The following TCF4 variants were observed in gnomAD, a reference collection of about 807,000 sequenced individuals.
TCF4 encodes SL3-3 enhancer factor 2.
TCF4 carries 3 observed loss-of-function variants against 82.1 expected under a neutral mutation model. The ratio of observed to expected loss-of-function variants is 0.04; its 90% CI spans 0.02 to 0.09. TCF4 has a LOEUF of 0.09. TCF4 is among the 10% of genes least tolerant of loss of function. The pLI, the probability that TCF4 is intolerant of heterozygous loss-of-function variation, is 1.00. For missense variants in TCF4, 518 were observed against 852.7 expected, an observed-to-expected ratio of 0.61 and a Z score of 4.89; for synonymous variants, 276 against 309.6, an observed-to-expected ratio of 0.89 and a Z score of 1.14.
At chr18:55,315,937 CT>C (rs369798034) in intron 8 of TCF4, among the ~76,000 whole-genome samples, 337 of 151,686 alleles carry the variant, frequency 2.2e-3, no homozygotes, top group African/African-American at 5.3e-3. Context: ...ACAGATATCC[CT>C]TTTTTTTAAG....
intron 10 of TCF4, among the ~76,000 whole-genome samples, chr18:55,272,968 T>A (rs139977756): frequency 6.6e-6 from 1 of 152,160 alleles, no homozygotes; most frequent in Non-Finnish European, 1.5e-5. Flanking sequence ...GCAAAGACCA[T>A]GCCTAAATCA....
intron 3 of TCF4, among the ~76,000 whole-genome samples, chr18:55,561,494 A>G (rs2097354582): frequency 6.6e-6 from 1 of 152,230 alleles, no homozygotes; most frequent in Non-Finnish European, 1.5e-5. Flanking sequence ...GACTCTGTCT[A>G]ACACAGTGCT....
chr18:55,261,688 G>A (rs953144440), intron 11 of TCF4, among the ~76,000 whole-genome samples, 155 bp from the exon 12 acceptor site: 1 of 152,172 alleles, frequency 6.6e-6, no homozygotes, highest in Non-Finnish European at 1.5e-5. Flanking sequence ...TGAGGTAGAT[G>A]TCAAATATAT....
intron 8 of TCF4, among the ~76,000 whole-genome samples, chr18:55,329,738 C>A (rs1174921618): frequency 2.0e-5 from 3 of 152,166 alleles, no homozygotes; most frequent in Non-Finnish European, 2.9e-5. Context: ...GCTTTACTGA[C>A]AGCAATGCCA....
chr18:55,234,614 C>T lies in TCF4; in HGVS notation c.1420G>A (p.Val474Ile), dbSNP rs1274036446. Residue 474 changes from valine to isoleucine, a missense_variant, in exon 16 of 20, where the codon GTT becomes ATT. By Grantham distance (29) the Val-to-Ile change is conservative. Coordinates refer to ENST00000354452, the MANE Select transcript of TCF4 (RefSeq NM_001083962.2). Reference sequence around the variant, plus strand: ...GCAGACTGGACAGGAAGCTGTGGAACCGGAACCTGGTTTGGCAGAAGAGAA... The same window carrying T: ...GCAGACTGGACAGGAAGCTGTGGAATCGGAACCTGGTTTGGCAGAAGAGAA... The part of the protein sequence containing the change: ...SHSLLPNQVP[V>I]PQLPVQSATS... 1 of 1,614,008 alleles carries T rather than the reference C, an allele frequency of 6.2e-7. No homozygotes were observed. The highest frequency in any genetic ancestry group is 8.5e-7 in the Non-Finnish European group (1 of 1,180,020).
chr18:55,395,441 T>C (rs1296067676), intron 6 of TCF4, among the ~76,000 whole-genome samples: 1 of 152,252 alleles, frequency 6.6e-6, no homozygotes, highest in Non-Finnish European at 1.5e-5. Context: ...TCAATTTGGA[T>C]ACTAGGAGTC....
At chr18:55,621,925 CTA>C (rs1363623193) in intron 2 of TCF4, among the ~76,000 whole-genome samples, 1 of 41,992 alleles carries the variant, frequency 2.4e-5, no homozygotes, top group Non-Finnish European at 3.9e-5. Context: ...TATATATACA[CTA>C]TATACTATAT....
rs976186516 is a variant in TCF4 at position 55,587,984 on chromosome 18, C to T, written c.-21+54G>A. 49 of 971,530 alleles carry T rather than the reference C, an allele frequency of 5.0e-5. No homozygotes were observed. The African/African-American group carries it at 8.2e-4, about 16-fold the overall frequency. 60.2% of individuals were successfully genotyped at this position (971,530 alleles called of 1,614,324 possible). ...GCGTGCGGGGCCGCCGAGCCCGAAC[C>T]CCGCGCCGCCGGGCGCCTCCGCCCC... On this transcript the variant is annotated intron_variant, in intron 1 of 19. Coordinates refer to ENST00000354452, the MANE Select transcript of TCF4 (RefSeq NM_001083962.2).
At chr18:55,436,518 A>G (rs4331409) in intron 5 of TCF4, among the ~76,000 whole-genome samples, 148,621 of 152,318 alleles carry the variant, frequency 0.98, 72,632 homozygotes, top group South Asian at 1. Flanking sequence ...GACATTAACC[A>G]ATTTTCTCTC....
At chr18:55,310,590 G>A (rs1037185365) in intron 8 of TCF4, among the ~76,000 whole-genome samples, 1 of 152,186 alleles carries the variant, frequency 6.6e-6, no homozygotes, top group Non-Finnish European at 1.5e-5. Flanking sequence ...CCACATTGAG[G>A]AGAAGCGCAG....
intron 5 of TCF4, among the ~76,000 whole-genome samples, chr18:55,428,476 G>A (rs1267900010): frequency 6.6e-6 from 1 of 152,074 alleles, no homozygotes; most frequent in African/African-American, 2.4e-5. Context: ...TCTACTTCAT[G>A]TCTTCACTTG....
rs548300943 is a variant in TCF4 at position 55,531,021 on chromosome 18, G to A, written c.145+54259C>T. On this transcript the variant is annotated intron_variant, in intron 3 of 19. Transcript: ENST00000354452. ...GGCGGGAGTGCAGTGGTGTAATCTC[G>A]GCTCAGTGCAACTTCCGCCTCCCGG... 4.6e-5 allele frequency among the ~76,000 whole-genome samples: 7 copies of A among 151,666 alleles called. No homozygotes were observed. In the East Asian group the frequency reaches 5.8e-4, roughly 13 times the overall value.
intron 6 of TCF4, among the ~76,000 whole-genome samples, chr18:55,371,812 T>A (rs1324029271): frequency 6.6e-6 from 1 of 152,158 alleles, no homozygotes; most frequent in Non-Finnish European, 1.5e-5. Context: ...AAGTCTCTAT[T>A]GTTACCCACT....
intron 3 of TCF4, among the ~76,000 whole-genome samples, chr18:55,560,162 A>T (rs1014746600): frequency 6.6e-6 from 1 of 152,232 alleles, no homozygotes; most frequent in Non-Finnish European, 1.5e-5. Context: ...AGGGCTGTAC[A>T]GACGATTTCC....
chr18:55,548,040 C>A (rs1304615044), intron 3 of TCF4, among the ~76,000 whole-genome samples: 1 of 152,176 alleles, frequency 6.6e-6, no homozygotes, highest in East Asian at 1.9e-4. Context: ...ACCCTTACTC[C>A]GCTCAGTAAT....
chr18:55,295,629 C>T (rs926453282), intron 8 of TCF4, among the ~76,000 whole-genome samples: 4 of 152,238 alleles, frequency 2.6e-5, no homozygotes, highest in Non-Finnish European at 2.9e-5. Context: ...AAAGGCTCCT[C>T]GTCACATTCA....
At position 55,298,338 on chromosome 18, in the gene TCF4, C is replaced by G. The variant is rs180789739; in HGVS notation, c.550-18682G>C. Among the ~76,000 whole-genome samples the G allele has an allele frequency of 7.9e-5, 12 of 152,308 alleles. 1 individual carries two copies. The South Asian group carries it at 2.5e-3, about 32-fold the overall frequency. ...TCTTTTCCATTTTCCCATTTCAAAA[C>G]CAGAATGGTGTTAGGGCTGAGAAGA... On this transcript the variant is annotated intron_variant, in intron 8 of 19. Transcript: ENST00000354452.
At position 55,254,523 on chromosome 18, in the gene TCF4, G is replaced by A; in HGVS notation, c.1324C>T (p.Leu442Phe). ...ATGAGTGAATGTCTGTTGGCTGAAA[G>A]AAGGCCGGTTCCATACCCTGAGCCC... ...GLGSGYGTGLLSANRHSLMVG... is the reference protein window; with the variant it reads ...GLGSGYGTGLFSANRHSLMVG... The change falls in exon 15 of 20, where the codon CTT becomes TTT. Residue 442 changes from leucine (L) to phenylalanine (F), a missense_variant. Transcript: ENST00000354452. 4 of 1,613,688 alleles carry A rather than the reference G, an allele frequency of 2.5e-6. No individual in the cohort carries two copies. Among genetic ancestry groups the A allele is most frequent in the Non-Finnish European group, 3.4e-6 (4 of 1,179,800 alleles).
At chr18:55,383,757 G>A (rs2092290956) in intron 6 of TCF4, 1 of 152,196 alleles carries the variant, frequency 6.6e-6, no homozygotes, top group Non-Finnish European at 1.5e-5. Context: ...GCAGTGTCAG[G>A]CCTGGCGGTA....
Sources: allele counts gnomAD v4.1 joint callset (sites outside exome capture counted in the v4.1 genomes callset), GRCh38; gene constraint gnomAD v4.1.1; transcripts MANE v1.5; gene names NCBI Gene and HGNC (gene_info 2026-07-23, HGNC 2026-07-21).